ZC3H12B: variants seen among roughly 807,000 people sequenced by gnomAD.
The protein encoded by ZC3H12B is zinc finger CCCH-type containing 12B.
A neutral mutation model predicts 43.9 loss-of-function variants in ZC3H12B; 7 were observed. The observed-to-expected ratio is 0.16, with a 90% confidence interval of 0.09 to 0.30. The LOEUF is 0.30. Among genes scored for constraint, ZC3H12B ranks in the 10% least tolerant of loss-of-function variants. The pLI is 1.00. For synonymous variants in ZC3H12B, 222 were observed against 241.7 expected (o/e 0.92, Z 0.76); for missense variants, 475 against 670.2 (o/e 0.71, Z 3.22).
At chrX:65,053,354 G>A in the ZC3H12B span, among the ~76,000 whole-genome samples, 438 of 110,642 alleles carry the variant, frequency 4.0e-3, 3 homozygotes, top group African/African-American at 0.013. Flanking sequence ...GAGAACATGC[G>A]GTGTTTGGTT....
chrX:65,095,694 C>T, the ZC3H12B span, among the ~76,000 whole-genome samples: 1 of 111,873 alleles, frequency 8.9e-6, no homozygotes, highest in East Asian at 2.8e-4. Flanking sequence ...TTCTGAAGAG[C>T]AACTGTTTTA....
chrX:65,149,382 A>G, the ZC3H12B span, among the ~76,000 whole-genome samples: 1 of 112,142 alleles, frequency 8.9e-6, no homozygotes, highest in Admixed American at 9.5e-5. Context: ...TGTGAATAAC[A>G]CTTTTCTAGC....
the ZC3H12B span, among the ~76,000 whole-genome samples, chrX:65,114,916 A>ATTTTTT: frequency 3.0e-3 from 57 of 19,320 alleles, 8 homozygotes; most frequent in African/African-American, 0.013. Flanking sequence ...GTGTCTCAGG[A>ATTTTTT]TTTTTTTTTT....
intron 3 of ZC3H12B, among the ~76,000 whole-genome samples, chrX:65,419,902 C>T (rs2066999751): frequency 9.0e-6 from 1 of 111,388 alleles, no homozygotes; most frequent in Non-Finnish European, 1.9e-5. Flanking sequence ...TTCAGTGGAC[C>T]CAGGATCCAG....
intron 3 of ZC3H12B, among the ~76,000 whole-genome samples, chrX:65,414,592 A>G (rs2066939485): frequency 9.0e-6 from 1 of 111,727 alleles, no homozygotes; most frequent in Admixed American, 9.5e-5. Flanking sequence ...TTGGTTGGTC[A>G]TTCCTCTGTA....
At chrX:65,122,235 A>G in the ZC3H12B span, among the ~76,000 whole-genome samples, 5 of 111,167 alleles carry the variant, frequency 4.5e-5, no homozygotes, top group Non-Finnish European at 7.6e-5. Flanking sequence ...AATATTCAAC[A>G]TTCTTAAATA....
the ZC3H12B span, among the ~76,000 whole-genome samples, chrX:65,348,292 C>A: frequency 9.0e-6 from 1 of 111,244 alleles, no homozygotes; most frequent in African/African-American, 3.3e-5. Flanking sequence ...GAAATAAAAT[C>A]TTTTACAGGG....
the ZC3H12B span, among the ~76,000 whole-genome samples, chrX:65,262,042 C>G: frequency 9.9e-5 from 11 of 110,812 alleles, no homozygotes; most frequent in African/African-American, 3.6e-4. Flanking sequence ...CACCCTCTTT[C>G]ATTATAGGCT....
the ZC3H12B span, among the ~76,000 whole-genome samples, chrX:65,237,297 G>A: frequency 9.0e-6 from 1 of 111,206 alleles, no homozygotes; most frequent in Non-Finnish European, 1.9e-5. Context: ...CCTGTTAGCT[G>A]TATTTCTAGG....
chrX:65,226,416 C>G, the ZC3H12B span, among the ~76,000 whole-genome samples: 1 of 111,778 alleles, frequency 8.9e-6, no homozygotes. Context: ...ACTGCAAAAT[C>G]ATGCCAAATT....
chrX:65,125,151 T>A, the ZC3H12B span, among the ~76,000 whole-genome samples: 4 of 111,344 alleles, frequency 3.6e-5, no homozygotes, highest in Non-Finnish European at 7.6e-5. Flanking sequence ...GCACCACTTT[T>A]GCTGTAACCC....
intron 3 of ZC3H12B, among the ~76,000 whole-genome samples, chrX:65,415,587 C>A (rs1333575542): frequency 9.0e-6 from 1 of 111,641 alleles, no homozygotes; most frequent in African/African-American, 3.3e-5. Flanking sequence ...GCCTTAACTC[C>A]AAAGGGAGTA....
intron 1 of ZC3H12B, among the ~76,000 whole-genome samples, chrX:65,491,705 T>TAA (rs748640341): frequency 2.7e-4 from 25 of 94,228 alleles, no homozygotes; most frequent in East Asian, 6.1e-4. Context: ...AGGCCCTATT[T>TAA]AAAAAAAAAA....
the ZC3H12B span, among the ~76,000 whole-genome samples, chrX:65,283,006 CAG>C: frequency 9.0e-6 from 1 of 111,503 alleles, no homozygotes; most frequent in Non-Finnish European, 1.9e-5. Context: ...CAAAGCCTGA[CAG>C]AGACACAACA....
the ZC3H12B span, among the ~76,000 whole-genome samples, chrX:65,205,570 G>A: frequency 2.7e-5 from 3 of 111,299 alleles, no homozygotes; most frequent in Admixed American, 1.9e-4. Flanking sequence ...CAGCCAACAT[G>A]CTACTGAATG....
In ZC3H12B at chrX:65,446,839, T is replaced by C. The variant is rs1006831418; in HGVS notation, n.408-41807T>C. On this transcript the variant is annotated intron_variant and non_coding_transcript_variant, in intron 3 of 5. Transcript: ENST00000617377. ...CTGTGACCATTCACCTGATTGGAGG[T>C]TCTTATGAAAGTGCTTTCTTGTGTC... Among the ~76,000 whole-genome samples the C allele has an allele frequency of 4.5e-5, 5 of 111,891 alleles. No homozygotes were observed. The South Asian group carries it at 1.5e-3, about 33-fold the overall frequency.
At chrX:65,310,776 A>G in the ZC3H12B span, among the ~76,000 whole-genome samples, 1 of 112,170 alleles carries the variant, frequency 8.9e-6, no homozygotes, top group South Asian at 3.7e-4. Context: ...CCAAAACAGC[A>G]TGGTACTGGT....
At chrX:65,176,191 G>A in the ZC3H12B span, among the ~76,000 whole-genome samples, 5 of 111,649 alleles carry the variant, frequency 4.5e-5, no homozygotes, top group Admixed American at 3.8e-4. Context: ...TGGGATGCTC[G>A]GGCTTGGTGG....
At chrX:65,211,822 T>C in the ZC3H12B span, among the ~76,000 whole-genome samples, 2 of 81,268 alleles carry the variant, frequency 2.5e-5, no homozygotes, top group Non-Finnish European at 2.2e-5. Flanking sequence ...ATAATATATA[T>C]TATGTATACT....
Sources: allele counts gnomAD v4.1 joint callset (sites outside exome capture counted in the v4.1 genomes callset), GRCh38; gene constraint gnomAD v4.1.1; transcripts MANE v1.5; gene names NCBI Gene and HGNC (gene_info 2026-07-23, HGNC 2026-07-21).